Variants in STIL observed in about 807,000 individuals in gnomAD.
The protein encoded by STIL is SCL-interrupting locus protein.
Under a neutral mutation model 110.1 loss-of-function variants are expected in STIL, and 55 were observed. The ratio of observed to expected loss-of-function variants is 0.50; its 90% CI spans 0.40 to 0.63. The LOEUF (loss-of-function observed/expected upper bound fraction) is 0.63, where lower values mean the gene tolerates loss of function less well. STIL is among the 20% of genes least tolerant of loss of function. STIL has a pLI of 0.00. For missense variants in STIL, 1,358 were observed against 1,530.0 expected (o/e 0.89, Z 1.87); for synonymous variants, 481 against 530.0 (o/e 0.91, Z 1.27).
rs1644760547 is a variant in STIL at position 47,269,636 on chromosome 1, T to C, written c.2614A>G (p.Asn872Asp). ...AAGACTAAATCAAAGAGACCTTACT[T>C]GGATACAGAAAGTGGCTGGTTAAAT... ...EEFNQPLSVS[N>D]SSSLVVRKEP... is the part of the protein sequence containing the mutation. Residue 872 changes from asparagine (N) to aspartate (D), a missense_variant and splice_region_variant, in exon 14 of 17, where the codon AAC becomes GAC. Coordinates refer to ENST00000371877, the MANE Select transcript of STIL (RefSeq NM_001048166.1). 6.2e-7 allele frequency: 1 copy of C among 1,613,922 alleles called. No homozygotes were observed. The highest frequency in any genetic ancestry group is 8.5e-7 in the Non-Finnish European group (1 of 1,179,896).
intron 14 of STIL, among the ~76,000 whole-genome samples, chr1:47,269,047 C>T (rs1253211155): frequency 6.7e-6 from 1 of 149,664 alleles, no homozygotes; most frequent in Admixed American, 6.7e-5. Context: ...GCCGAGATTG[C>T]ACCACTGCAC....
At chr1:47,285,123 G>C (rs1216158041) in intron 10 of STIL, among the ~76,000 whole-genome samples, 5 of 150,866 alleles carry the variant, frequency 3.3e-5, no homozygotes. Context: ...TCCTGGGCAA[G>C]TGATCCTCCC....
chr1:47,260,317 T>G lies in STIL; in HGVS notation c.3052A>C (p.Lys1018Gln). The G allele has an allele frequency of 6.2e-7, 1 of 1,614,142 alleles. No individual in the cohort carries two copies. Among genetic ancestry groups the G allele is most frequent in the Non-Finnish European group, 8.5e-7 (1 of 1,180,018 alleles). ...VKIDSPTKVK[K>Q]NAHNVDHASV... ...GCGTGATCCACGTTATGTGCATTTT[T>G]CTTCACTTTAGTGGGAGAATCAATT... The change falls in exon 16 of 17, where the codon AAA becomes CAA. Residue 1018 changes from lysine (K) to glutamine (Q), a missense_variant. By Grantham distance (53) the Lys-to-Gln change is moderately conservative. Transcript: ENST00000371877.
In STIL at chr1:47,287,477, T is replaced by G. The variant is rs946914154; in HGVS notation, c.1133+74A>C. 3.2e-6 allele frequency: 3 copies of G among 936,828 alleles called. No individual in the cohort carries two copies. In the African/African-American group the frequency reaches 5.1e-5, roughly 16 times the overall value. 58.0% of individuals were successfully genotyped at this position (936,828 alleles called of 1,614,324 possible). On this transcript the variant is annotated intron_variant, in intron 10 of 16. Coordinates refer to ENST00000371877, the MANE Select transcript of STIL (RefSeq NM_001048166.1). ...AATCATTTCATCAGAAATAATTTAG[T>G]TATTTTACTCACCAAAAACTAATAA... is the stretch of plus-strand genomic sequence containing the variant.
At chr1:47,268,781 A>T (rs28394447) in intron 14 of STIL, among the ~76,000 whole-genome samples, 1,699 of 86,074 alleles carry the variant, frequency 0.02, 36 homozygotes, top group African/African-American at 0.11. Flanking sequence ...ATAAATAAAT[A>T]AATAAATAAA....
rs1644522940 is a variant in STIL, at chr1:47,262,801, T to C, written c.2829+102A>G. 10 of 1,059,938 alleles carry C rather than the reference T, an allele frequency of 9.4e-6. No homozygotes were observed. In the South Asian group the frequency reaches 1.4e-4, roughly 15 times the overall value. 65.7% of individuals were successfully genotyped at this position (1,059,938 alleles called of 1,614,324 possible). On this transcript the variant is annotated intron_variant, in intron 15 of 16. Coordinates refer to ENST00000371877, the MANE Select transcript of STIL (RefSeq NM_001048166.1). ...TTGTTAATTAGACAAAAAATCTTTT[T>C]ATCTTAAGGTCTCAATCAGTTTAAA...
intron 12 of STIL, among the ~76,000 whole-genome samples, chr1:47,274,651 A>C (rs2011460): frequency 6.7e-6 from 1 of 149,086 alleles, no homozygotes; most frequent in Non-Finnish European, 1.5e-5. Context: ...ATTTGGCAGG[A>C]CTTCAGTGTT....
chr1:47,306,292 G>C (rs1645960320), intron 2 of STIL, among the ~76,000 whole-genome samples: 1 of 145,744 alleles, frequency 6.9e-6, no homozygotes, highest in African/African-American at 2.6e-5. Context: ...TAAAGAGCAG[G>C]GCCTTGCTCT....
chr1:47,278,927 G>C (rs757151059), intron 12 of STIL, among the ~76,000 whole-genome samples: 2 of 151,368 alleles, frequency 1.3e-5, no homozygotes, highest in Non-Finnish European at 2.9e-5. Context: ...TCACTGATTT[G>C]AAAAATGTCA....
Position 47,299,938 on chromosome 1 carries a change from T to C in STIL, c.668A>G (p.Asn223Ser), listed in dbSNP as rs760214761. ...ATAAGTCCCTTGAACTTGAGAAATA[T>C]TCAGATTACTGCTCAAGTTTCTTGC... ...ALARNLSSNL[N>S]ISQVQGTYKY... Residue 223 changes from asparagine (N) to serine (S), a missense_variant, in exon 6 of 17, where the codon AAT becomes AGT. Coordinates refer to ENST00000371877, the MANE Select transcript of STIL (RefSeq NM_001048166.1). 64 of 1,613,966 alleles carry C rather than the reference T, an allele frequency of 4.0e-5. No individual in the cohort carries two copies. The highest frequency in any genetic ancestry group is 5.3e-5 in the Non-Finnish European group (62 of 1,179,958).
In STIL at chr1:47,269,078, G is replaced by A. The variant is rs184890603; in HGVS notation, c.2615+557C>T. ...TGCACTCCAGCCTGGGCAACAGAGC[G>A]GGACTCCGTCAAAAAAAAAAAAAAA... On this transcript the variant is annotated intron_variant, in intron 14 of 16. Coordinates refer to ENST00000371877, the MANE Select transcript of STIL (RefSeq NM_001048166.1). Among the ~76,000 whole-genome samples the A allele has an allele frequency of 5.9e-3, 887 of 149,694 alleles. 8 individuals are homozygous for A. Among genetic ancestry groups the A allele is most frequent in the African/African-American group, 0.02 (812 of 40,536 alleles).
chr1:47,303,522 G>A (rs554288502), intron 3 of STIL, among the ~76,000 whole-genome samples: 3 of 152,184 alleles, frequency 2.0e-5, no homozygotes, highest in South Asian at 2.1e-4. Flanking sequence ...CCAACATCAC[G>A]CCACTGCACT....
intron 1 of STIL, among the ~76,000 whole-genome samples, chr1:47,311,833 G>A (rs765194389): frequency 5.9e-5 from 9 of 151,624 alleles, no homozygotes; most frequent in Non-Finnish European, 1.3e-4. Flanking sequence ...GATCACCTGA[G>A]GTGAGGAGTT....
chr1:47,283,824 G>C (rs1645214860), intron 10 of STIL: 1 of 135,326 alleles, frequency 7.4e-6, no homozygotes, highest in Non-Finnish European at 1.5e-5. Flanking sequence ...ATTAATATCT[G>C]TTTTGTACTT....
chr1:47,300,561 C>T (rs1051956292), intron 5 of STIL, among the ~76,000 whole-genome samples: 2 of 151,954 alleles, frequency 1.3e-5, no homozygotes, highest in Admixed American at 1.3e-4. Context: ...CTCCACCTCC[C>T]GGTTCAAGCG....
At chr1:47,267,667 TAAAA>T (rs10713698) in intron 14 of STIL, among the ~76,000 whole-genome samples, 1 of 110,656 alleles carries the variant, frequency 9.0e-6, no homozygotes. Flanking sequence ...AGCGAGTATC[TAAAA>T]AAAAAAAAAA....
intron 2 of STIL, among the ~76,000 whole-genome samples, chr1:47,308,376 C>T (rs12047319): frequency 0.17 from 25,984 of 150,418 alleles, 2,858 homozygotes; most frequent in East Asian, 0.52. Flanking sequence ...GGGGCAGGTC[C>T]CCCGATACTG....
chr1:47,314,398 CA>C (rs1302006563), upstream of STIL, among the ~76,000 whole-genome samples: 2 of 152,230 alleles, frequency 1.3e-5, no homozygotes, highest in African/African-American at 4.8e-5. Flanking sequence ...TTCATTTCGT[CA>C]ACGGTTAAGT....
chr1:47,275,652 TCTTACTC>T (rs1341925794), intron 12 of STIL, among the ~76,000 whole-genome samples: 1 of 151,750 alleles, frequency 6.6e-6, no homozygotes, highest in Non-Finnish European at 1.5e-5. Context: ...TAAGACAGGA[TCTTACTC>T]TGTCGCCTAG....
Sources: gnomAD v4.1 joint callset for allele counts (sites outside exome capture counted in the v4.1 genomes callset) on GRCh38, gnomAD v4.1.1 for gene constraint, MANE v1.5 for transcripts, NCBI Gene and HGNC (gene_info 2026-07-23, HGNC 2026-07-21) for gene names.